TRIM62: variants seen among roughly 807,000 people sequenced by gnomAD.
TRIM62 encodes the protein E3 ubiquitin-protein ligase TRIM62.
TRIM62 carries 39 observed loss-of-function variants against 44.2 expected under a neutral mutation model. The observed-to-expected ratio is 0.88, with a 90% CI of 0.68 to 1.15. The LOEUF is 1.15. Ranked by LOEUF, TRIM62 falls within the 50% of genes most tolerant of loss-of-function variation. The pLI is 0.00. For synonymous variants in TRIM62, 278 were observed against 292.3 expected, an observed-to-expected ratio of 0.95 and a Z score of 0.50; for missense variants, 544 against 665.5, an observed-to-expected ratio of 0.82 and a Z score of 2.01.
chr1:33,180,525 C>T (rs1052233341), intron 1 of TRIM62, among the ~76,000 whole-genome samples: 3 of 152,162 alleles, frequency 2.0e-5, no homozygotes, highest in African/African-American at 7.2e-5. Flanking sequence ...TCCTCTTAGT[C>T]CTGATGCACA....
intron 1 of TRIM62, among the ~76,000 whole-genome samples, chr1:33,168,255 G>A (rs1237329062): frequency 6.6e-6 from 1 of 152,210 alleles, no homozygotes; most frequent in Non-Finnish European, 1.5e-5. Flanking sequence ...TGAGGCAACT[G>A]TAAAGACCAA....
chr1:33,163,714 G>C (rs1180716082), intron 2 of TRIM62: 1 of 152,366 alleles, frequency 6.6e-6, no homozygotes, highest in Non-Finnish European at 1.5e-5. Flanking sequence ...GGAAAACAGA[G>C]GGCCTGAGGA....
rs1393533366 is a variant in TRIM62 at position 33,177,612 on chromosome 1, T to C, written c.408+3413A>G. ...TCAGGTTTCTCAACTAGAGGTGATT[T>C]TGACTCTAGGAGACATTTGTCAATG... On this transcript the variant is annotated intron_variant, in intron 1 of 4. Transcript: ENST00000291416. The surrounding 1 kb of genome is among the most constrained non-coding windows in gnomAD (Gnocchi z 4.1). Among the ~76,000 whole-genome samples the C allele has an allele frequency of 2.6e-5, 4 of 152,206 alleles. No homozygotes were observed. The highest frequency in any genetic ancestry group is 5.9e-5 in the Non-Finnish European group (4 of 68,026).
intron 1 of TRIM62, among the ~76,000 whole-genome samples, chr1:33,173,252 A>G (rs1383113660): frequency 3.9e-5 from 6 of 152,150 alleles, no homozygotes; most frequent in Non-Finnish European, 8.8e-5. Flanking sequence ...CCCTGCTTCT[A>G]GGGTCTCCCA....
At chr1:33,169,146 G>A (rs1570328157) in intron 1 of TRIM62, among the ~76,000 whole-genome samples, 1 of 152,188 alleles carries the variant, frequency 6.6e-6, no homozygotes, top group African/African-American at 2.4e-5. Context: ...CACGAGGTGT[G>A]CATGTGTTGG....
At chr1:33,178,394 C>A (rs1645437521) in intron 1 of TRIM62, among the ~76,000 whole-genome samples, 1 of 152,166 alleles carries the variant, frequency 6.6e-6, no homozygotes, top group Middle Eastern at 3.2e-3. Flanking sequence ...AGCAGCACAT[C>A]CTCTCTAGAT....
At chr1:33,163,672 A>G (rs987840862) in intron 2 of TRIM62, 1 of 152,394 alleles carries the variant, frequency 6.6e-6, no homozygotes, top group Non-Finnish European at 1.5e-5. Context: ...CACCCTGCCA[A>G]GAATGCATCA....
intron 4 of TRIM62, among the ~76,000 whole-genome samples, chr1:33,151,288 C>T (rs1294801235): frequency 1.3e-5 from 2 of 152,030 alleles, no homozygotes; most frequent in African/African-American, 2.4e-5. Context: ...CTCACTGGGC[C>T]GGCCTAGGGG....
At position 33,177,837 on chromosome 1, in the gene TRIM62, G is replaced by A. The variant is rs1177386176; in HGVS notation, c.408+3188C>T. Among the ~76,000 whole-genome samples, 1 of 152,124 alleles carries A rather than the reference G, an allele frequency of 6.6e-6. No homozygotes were observed. The highest frequency in any genetic ancestry group is 1.5e-5 in the Non-Finnish European group (1 of 68,032). ...GCTGTCATTTATTGAGTGCTGTTAG[G>A]TGCCAAGTGCAGTACTAAGTTTTTA... On this transcript the variant is annotated intron_variant, in intron 1 of 4. Transcript: ENST00000291416. This position sits in a 1 kb window ranked among gnomAD's most constrained non-coding sequence, Gnocchi z 4.1.
rs74339945 is a variant in TRIM62, at chr1:33,174,607, A to C, written c.408+6418T>G. ...GGGAGAGAGAGAGAAGGAGAGCATG[A>C]CTGCCTGTCAAAGCCTTGAACCCAG... On this transcript the variant is annotated intron_variant, in intron 1 of 4. Transcript: ENST00000291416. Among the ~76,000 whole-genome samples, 1,131 of 152,246 alleles carry C rather than the reference A, an allele frequency of 7.4e-3. 24 individuals carry two copies. In the East Asian group the frequency reaches 0.083, roughly 11 times the overall value.
chr1:33,159,625 C>A lies in TRIM62; in HGVS notation c.761+63G>T. Reference sequence around the variant, plus strand: ...AGGATCCCATCTGCCTCCACTCCCACTGCCCAGCATGGGTCGAGGAGGGGA... The same window carrying A: ...AGGATCCCATCTGCCTCCACTCCCAATGCCCAGCATGGGTCGAGGAGGGGA... On this transcript the variant is annotated intron_variant, in intron 3 of 4. Transcript: ENST00000291416. This position sits in a 1 kb window ranked among gnomAD's most constrained non-coding sequence, Gnocchi z 4.2. 6.5e-7 allele frequency: 1 copy of A among 1,537,114 alleles called. No individual in the cohort carries two copies.
intron 1 of TRIM62, among the ~76,000 whole-genome samples, chr1:33,173,911 A>G (rs1645394058): frequency 6.6e-6 from 1 of 151,846 alleles, no homozygotes; most frequent in African/African-American, 2.4e-5. Context: ...GTTGCCCAGG[A>G]TGGTCTCGAA....
intron 1 of TRIM62, among the ~76,000 whole-genome samples, chr1:33,171,927 G>A (rs367994178): frequency 1.3e-5 from 2 of 152,056 alleles, no homozygotes; most frequent in East Asian, 1.9e-4. Context: ...GATTATAGGC[G>A]CCCGACACCA....
At position 33,158,318 on chromosome 1, in the gene TRIM62, G is replaced by A; in HGVS notation, c.812C>T (p.Thr271Ile). Residue 271 changes from threonine to isoleucine, a missense_variant, in exon 4 of 5, where the codon ACC (threonine) becomes ATC (isoleucine). Transcript: ENST00000291416. ...CTGCAGGGGGCCTGTGTACTTGGAG[G>A]TCGGGAAGTCTTCATATGTGAGGTT... ...ETNLTYEDFP[T>I]SKYTGPLQYT... 1.9e-6 allele frequency: 3 copies of A among 1,614,068 alleles called. No individual in the cohort carries two copies. The highest frequency in any genetic ancestry group is 2.5e-6 in the Non-Finnish European group (3 of 1,179,948).
chr1:33,153,652 T>C (rs1216327597), intron 4 of TRIM62, among the ~76,000 whole-genome samples: 1 of 152,098 alleles, frequency 6.6e-6, no homozygotes, highest in Non-Finnish European at 1.5e-5. Flanking sequence ...TGCTCCCTTA[T>C]GAGGGAGTTG....
chr1:33,155,363 G>C (rs1645163607), intron 4 of TRIM62, among the ~76,000 whole-genome samples: 3 of 152,036 alleles, frequency 2.0e-5, no homozygotes, highest in Admixed American at 6.5e-5. Flanking sequence ...GAGCCACCAT[G>C]CCCGGCCTCC....
At chr1:33,171,550 T>C (rs1289982764) in intron 1 of TRIM62, among the ~76,000 whole-genome samples, 1 of 152,158 alleles carries the variant, frequency 6.6e-6, no homozygotes, top group Non-Finnish European at 1.5e-5. Context: ...AATTTCTGAG[T>C]ACCCAATGAG....
chr1:33,148,194 A>G (rs943022090), intron 4 of TRIM62, among the ~76,000 whole-genome samples: 3 of 152,202 alleles, frequency 2.0e-5, no homozygotes, highest in Non-Finnish European at 2.9e-5. Flanking sequence ...TGGACAGGAC[A>G]GTTCTGCAAA....
chr1:33,166,528 C>T (rs1338175245), intron 1 of TRIM62, among the ~76,000 whole-genome samples: 1 of 152,090 alleles, frequency 6.6e-6, no homozygotes, highest in Non-Finnish European at 1.5e-5. Flanking sequence ...ATCATTTGGG[C>T]CTCTCAGTAA....
Sources: gnomAD v4.1 joint callset for allele counts (sites outside exome capture counted in the v4.1 genomes callset) on GRCh38, gnomAD v4.1.1 for gene constraint, Gnocchi (gnomAD v3.1) non-coding constraint, MANE v1.5 for transcripts, NCBI Gene and HGNC (gene_info 2026-07-23, HGNC 2026-07-21) for gene names.